Variants in MAGI1 observed in about 807,000 individuals in gnomAD.
The protein encoded by MAGI1 is membrane-associated guanylate kinase, WW and PDZ domain-containing protein 1.
A neutral mutation model predicts 139.9 loss-of-function variants in MAGI1; 58 were observed. The observed-to-expected ratio is 0.41, with a 90% CI of 0.34 to 0.52. The LOEUF is 0.52. Among genes scored for constraint, MAGI1 ranks in the 20% least tolerant of loss-of-function variants. MAGI1 has a pLI of 0.12. For synonymous variants in MAGI1, 812 were observed against 737.9 expected (o/e 1.10, Z -1.63); for missense variants, 1,874 against 1,901.6 (o/e 0.99, Z 0.27).
intron 1 of MAGI1, among the ~76,000 whole-genome samples, chr3:65,804,254 C>T (rs902887897): frequency 1.4e-5 from 2 of 147,176 alleles, no homozygotes; most frequent in East Asian, 2.0e-4. Flanking sequence ...CAAAACAGAA[C>T]ATTTCTCAGA....
At chr3:65,927,259 TG>T (rs913440599) in intron 1 of MAGI1, among the ~76,000 whole-genome samples, 3 of 152,234 alleles carry the variant, frequency 2.0e-5, no homozygotes, top group Non-Finnish European at 4.4e-5. Flanking sequence ...GACCCTCTCT[TG>T]GGGTCTGGAT....
At chr3:65,585,752 T>C (rs1452167883) in intron 2 of MAGI1, among the ~76,000 whole-genome samples, 5 of 152,218 alleles carry the variant, frequency 3.3e-5, no homozygotes, top group Admixed American at 1.3e-4. Context: ...TCTGAACCTA[T>C]TCTCTTGCTG....
At chr3:65,743,471 G>A (rs2035440608) in intron 1 of MAGI1, among the ~76,000 whole-genome samples, 1 of 152,118 alleles carries the variant, frequency 6.6e-6, no homozygotes, top group African/African-American at 2.4e-5. Flanking sequence ...ACTCTGGGAG[G>A]CCAAGGTGGG....
intron 1 of MAGI1, among the ~76,000 whole-genome samples, chr3:65,757,721 G>T (rs563488018): frequency 1.3e-5 from 2 of 152,102 alleles, no homozygotes; most frequent in African/African-American, 2.4e-5. Flanking sequence ...GTTTATGCAG[G>T]AACTATTAAC....
chr3:65,893,909 A>G (rs2108587144), intron 1 of MAGI1: 1 of 152,264 alleles, frequency 6.6e-6, no homozygotes, highest in Non-Finnish European at 1.5e-5. Context: ...GAATCATCTG[A>G]AACCTCAGGT....
intron 1 of MAGI1, among the ~76,000 whole-genome samples, chr3:65,856,473 C>T (rs1430606354): frequency 6.6e-6 from 1 of 152,130 alleles, no homozygotes; most frequent in African/African-American, 2.4e-5. Context: ...TCGATGAACT[C>T]AGGTATCTGA....
chr3:65,582,569 C>T (rs2081487016), intron 2 of MAGI1, among the ~76,000 whole-genome samples: 1 of 151,704 alleles, frequency 6.6e-6, no homozygotes, highest in African/African-American at 2.4e-5. Context: ...TGTTGACATG[C>T]CTGACGATTC....
At chr3:65,848,971 A>G (rs1287313331) in intron 1 of MAGI1, among the ~76,000 whole-genome samples, 1 of 141,022 alleles carries the variant, frequency 7.1e-6, no homozygotes, top group Non-Finnish European at 1.5e-5. Flanking sequence ...CCAAACACTT[A>G]ACTGGCAGCT....
chr3:65,916,169 C>T (rs1203720988), intron 1 of MAGI1, among the ~76,000 whole-genome samples: 2 of 151,914 alleles, frequency 1.3e-5, no homozygotes, highest in Non-Finnish European at 2.9e-5. Flanking sequence ...CGGGTTGACG[C>T]GATTCTCATG....
intron 2 of MAGI1, among the ~76,000 whole-genome samples, chr3:65,612,713 T>C (rs557074523): frequency 3.3e-5 from 5 of 152,298 alleles, no homozygotes; most frequent in African/African-American, 1.2e-4. Flanking sequence ...GAAATTTTAC[T>C]TACGTTTATT....
At chr3:65,478,486 C>T (rs1158059597) in intron 4 of MAGI1, 106 bp downstream of exon 4, 1 of 1,133,296 alleles carries the variant, frequency 8.8e-7, no homozygotes, top group Non-Finnish European at 1.3e-6. Flanking sequence ...TTTGGCGACT[C>T]TACAAAATCC....
chr3:65,521,948 T>C (rs1434745661), intron 2 of MAGI1, among the ~76,000 whole-genome samples: 5 of 152,188 alleles, frequency 3.3e-5, no homozygotes, highest in South Asian at 4.1e-4. Flanking sequence ...TTCTTCTTCA[T>C]AGCTACATAA....
intron 1 of MAGI1, among the ~76,000 whole-genome samples, chr3:65,945,539 A>T (rs563608649): frequency 1.0e-5 from 1 of 95,262 alleles, no homozygotes; most frequent in South Asian, 2.4e-4. Context: ...GTGAAAAACT[A>T]ATTTAGGAGT....
chr3:65,371,764 T>C lies in MAGI1; in HGVS notation c.3196+3981A>G, dbSNP rs559006509. 2.3e-4 allele frequency: 52 copies of C among 221,910 alleles called. 2 individuals are homozygous for C. The highest frequency in any genetic ancestry group is 7.1e-4 in the South Asian group (14 of 19,802). 13.7% of individuals were successfully genotyped at this position (221,910 alleles called of 1,614,324 possible). On this transcript the variant is annotated intron_variant, in intron 18 of 22. Coordinates refer to ENST00000402939, the MANE Select transcript of MAGI1 (RefSeq NM_001033057.2). ...CATTTCAACAAAGTTTGCAACATCT[T>C]TACCAGTAGATTCCATCTCAAGAAA... is the stretch of plus-strand genomic sequence containing the variant.
chr3:65,504,445 C>T (rs1164348294), intron 2 of MAGI1, among the ~76,000 whole-genome samples: 1 of 152,136 alleles, frequency 6.6e-6, no homozygotes, highest in African/African-American at 2.4e-5. Context: ...AACATGCACA[C>T]ATTATGTGAC....
chr3:65,370,061 G>T (rs1423870655), intron 18 of MAGI1, among the ~76,000 whole-genome samples: 2 of 152,156 alleles, frequency 1.3e-5, no homozygotes, highest in East Asian at 3.9e-4. Flanking sequence ...CTCACTCTTT[G>T]TCTTCTGGGG....
intron 1 of MAGI1, among the ~76,000 whole-genome samples, chr3:65,977,747 A>G (rs762040559): frequency 6.6e-6 from 1 of 151,670 alleles, no homozygotes; most frequent in African/African-American, 2.4e-5. Context: ...AAGAAACCTC[A>G]TCTCCATGAC....
intron 12 of MAGI1, among the ~76,000 whole-genome samples, chr3:65,421,378 C>T (rs140355183): frequency 3.9e-5 from 6 of 152,224 alleles, no homozygotes; most frequent in African/African-American, 7.2e-5. Context: ...TTAGGCAGCA[C>T]GTTGGATGTG....
intron 18 of MAGI1, among the ~76,000 whole-genome samples, chr3:65,371,130 A>T (rs1941944029): frequency 6.6e-6 from 1 of 152,214 alleles, no homozygotes; most frequent in Non-Finnish European, 1.5e-5. Flanking sequence ...ACCAATTATA[A>T]ACCCAGCAAG....
Sources: allele counts gnomAD v4.1 joint callset (sites outside exome capture counted in the v4.1 genomes callset), GRCh38; gene constraint gnomAD v4.1.1; transcripts MANE v1.5; gene names NCBI Gene and HGNC (gene_info 2026-07-23, HGNC 2026-07-21).